SGK3: variants seen among roughly 807,000 people sequenced by gnomAD.
SGK3 encodes the protein serine/threonine-protein kinase Sgk3.
Under a neutral mutation model 68.5 loss-of-function variants are expected in SGK3, and 47 were observed. The observed-to-expected ratio is 0.69, with a 90% confidence interval of 0.54 to 0.87. The LOEUF (loss-of-function observed/expected upper bound fraction) is 0.87. Ranked by LOEUF, SGK3 falls within the 40% of genes least tolerant of loss-of-function variation. SGK3 has a pLI of 0.00. For synonymous variants in SGK3, 181 were observed against 189.1 expected, an observed-to-expected ratio of 0.96 and a Z score of 0.35; for missense variants, 479 against 575.5, an observed-to-expected ratio of 0.83 and a Z score of 1.72.
intron 15 of SGK3, 74 bp from the exon 16 acceptor site, chr8:66,850,757 C>A: frequency 1.4e-6 from 2 of 1,422,976 alleles, no homozygotes; most frequent in Non-Finnish European, 9.5e-7. Flanking sequence ...AATAGTTTGG[C>A]TTCATAAAAT....
At chr8:66,751,350 C>CGAAA in intron 1 of SGK3, among the ~76,000 whole-genome samples, 1 of 152,250 alleles carries the variant, frequency 6.6e-6, no homozygotes, top group South Asian at 2.1e-4. Context: ...TAGGGCATTT[C>CGAAA]TGTACATATA....
Position 66,763,506 on chromosome 8 carries a change from T to C in SGK3, c.-121-30110T>C, listed in dbSNP as rs180768718. Among the ~76,000 whole-genome samples, 255 of 152,272 alleles carry C rather than the reference T, an allele frequency of 1.7e-3. 2 individuals carry two copies. Among genetic ancestry groups the C allele is most frequent in the African/African-American group, 5.8e-3 (242 of 41,560 alleles). ...AGCCAGTTCTCCAAGGAGCCCTAGT[T>C]CATATTAGTGGGAAATATTTAGGGA... On this transcript the variant is annotated intron_variant, in intron 1 of 16. Coordinates refer to ENST00000521198, the MANE Select transcript of SGK3 (RefSeq NM_001033578.3).
At position 66,828,666 on chromosome 8, in the gene SGK3, TCA is replaced by T. The variant is rs778067400; in HGVS notation, c.433_434del (p.Gln145GlufsTer16). On this transcript the variant is annotated frameshift_variant, in exon 7 of 17. Coordinates refer to ENST00000521198, the MANE Select transcript of SGK3 (RefSeq NM_001033578.3). LOFTEE classifies it high-confidence loss of function. ...CCCACCTTCACAGCTACACTCTACC[TCA>T]CAGAACATCAACCTGGGACCGTCTG... ...ERSSQKLHST[S>X]QNINLGPSGN... 1 of 1,614,004 alleles carries T rather than the reference TCA, an allele frequency of 6.2e-7. No individual in the cohort carries two copies. Among genetic ancestry groups the T allele is most frequent in the Non-Finnish European group, 8.5e-7 (1 of 1,179,998 alleles).
intron 1 of SGK3, among the ~76,000 whole-genome samples, chr8:66,783,886 G>GTTGT (rs910282648): frequency 1.3e-5 from 2 of 151,720 alleles, no homozygotes; most frequent in Admixed American, 6.6e-5. Context: ...TTTTGTTGTC[G>GTTGT]TTGTTTGTTT....
intron 7 of SGK3, among the ~76,000 whole-genome samples, chr8:66,830,030 A>G (rs1456366144): frequency 6.6e-6 from 1 of 151,994 alleles, no homozygotes; most frequent in African/African-American, 2.4e-5. Flanking sequence ...TGCCCAGCTA[A>G]TTTTTGTAGA....
chr8:66,740,649 G>C (rs1805451596), intron 1 of SGK3, among the ~76,000 whole-genome samples: 1 of 152,202 alleles, frequency 6.6e-6, no homozygotes, highest in East Asian at 1.9e-4. Flanking sequence ...GCTTACACCT[G>C]TAATCCCAGC....
chr8:66,823,803 A>C (rs1808945060), intron 6 of SGK3, among the ~76,000 whole-genome samples: 1 of 152,188 alleles, frequency 6.6e-6, no homozygotes, highest in Non-Finnish European at 1.5e-5. Context: ...GGGAGAAGTA[A>C]ATTGTAATAA....
intron 1 of SGK3, among the ~76,000 whole-genome samples, chr8:66,738,595 G>T (rs1805390646): frequency 6.6e-6 from 1 of 151,106 alleles, no homozygotes; most frequent in African/African-American, 2.4e-5. Context: ...CTGTCCTTCT[G>T]TTGTTCACTA....
intron 4 of SGK3, 146 bp from the exon 5 acceptor site, chr8:66,813,707 T>C (rs1012372680): frequency 2.6e-6 from 1 of 380,430 alleles, no homozygotes; most frequent in African/African-American, 2.1e-5. Context: ...TTTCTAAGTA[T>C]GTATTCCTTG....
chr8:66,829,892 A>G (rs1312632824), intron 7 of SGK3, among the ~76,000 whole-genome samples: 1 of 141,078 alleles, frequency 7.1e-6, no homozygotes, highest in African/African-American at 2.6e-5. Context: ...TTTTTTATTG[A>G]GACAGAGTCT....
intron 1 of SGK3, among the ~76,000 whole-genome samples, chr8:66,783,172 A>C (rs1242653490): frequency 2.0e-5 from 3 of 152,208 alleles, no homozygotes; most frequent in Non-Finnish European, 4.4e-5. Context: ...ACCATTTCTG[A>C]AAAGTATGTA....
At chr8:66,720,164 C>A (rs766248356) in intron 1 of SGK3, among the ~76,000 whole-genome samples, 1 of 152,146 alleles carries the variant, frequency 6.6e-6, no homozygotes, top group Non-Finnish European at 1.5e-5. Flanking sequence ...TAACATAAAG[C>A]GCATGTTCTT....
intron 2 of SGK3, among the ~76,000 whole-genome samples, chr8:66,794,331 G>A (rs920685655): frequency 6.6e-6 from 1 of 151,988 alleles, no homozygotes; most frequent in Non-Finnish European, 1.5e-5. Flanking sequence ...TAAAGAGTAA[G>A]CACAATGAAT....
At chr8:66,787,405 A>G (rs1265894758) in intron 1 of SGK3, among the ~76,000 whole-genome samples, 5 of 152,248 alleles carry the variant, frequency 3.3e-5, no homozygotes, top group African/African-American at 1.2e-4. Flanking sequence ...TCCTTAAAGC[A>G]ACCATATGAA....
At chr8:66,793,490 G>A in intron 1 of SGK3, 126 bp from the exon 2 acceptor site, 1 of 328,938 alleles carries the variant, frequency 3.0e-6, no homozygotes, top group African/African-American at 2.1e-5. Context: ...AACCTGGGCT[G>A]AGACTGATGA....
intron 1 of SGK3, among the ~76,000 whole-genome samples, chr8:66,761,997 TTAAG>T (rs1170342987): frequency 2.6e-5 from 4 of 152,208 alleles, no homozygotes; most frequent in African/African-American, 9.6e-5. Flanking sequence ...CTCTAAATAT[TTAAG>T]TATTAGCTCT....
chr8:66,793,271 G>T (rs1302577110), intron 1 of SGK3, among the ~76,000 whole-genome samples: 5 of 152,138 alleles, frequency 3.3e-5, no homozygotes, highest in Non-Finnish European at 2.9e-5. Flanking sequence ...AATCTGAATT[G>T]TTCAGCACAC....
At chr8:66,756,690 C>T (rs1485237700) in intron 1 of SGK3, among the ~76,000 whole-genome samples, 1 of 150,036 alleles carries the variant, frequency 6.7e-6, no homozygotes, top group Non-Finnish European at 1.5e-5. Flanking sequence ...AGTGATTCTC[C>T]TGTCTCAGCC....
chr8:66,796,338 T>A (rs1328372026), intron 2 of SGK3, among the ~76,000 whole-genome samples: 2 of 139,102 alleles, frequency 1.4e-5, no homozygotes, highest in African/African-American at 5.3e-5. Context: ...TTTTTTTTTT[T>A]TTTTTTTTTT....
Sources: allele counts gnomAD v4.1 joint callset (sites outside exome capture counted in the v4.1 genomes callset), GRCh38; gene constraint gnomAD v4.1.1; transcripts MANE v1.5; gene names NCBI Gene and HGNC (gene_info 2026-07-23, HGNC 2026-07-21).